Variants in GALNTL6 observed in about 807,000 individuals in gnomAD.
GALNTL6 encodes polypeptide N-acetylgalactosaminyltransferase-like 6.
A neutral mutation model predicts 73.7 loss-of-function variants in GALNTL6; 46 were observed. The observed-to-expected ratio is 0.62, with a 90% CI of 0.49 to 0.80. The LOEUF (loss-of-function observed/expected upper bound fraction) is 0.80, where lower values mean the gene tolerates loss of function less well. Ranked by LOEUF, GALNTL6 falls within the 30% of genes least tolerant of loss-of-function variation. The pLI, the probability that GALNTL6 is intolerant of heterozygous loss-of-function variation, is 0.00. For missense variants in GALNTL6, 604 were observed against 755.0 expected (o/e 0.80, Z 2.34); for synonymous variants, 259 against 263.7 (o/e 0.98, Z 0.17).
chr4:171,956,759 C>A (rs1019478455), intron 2 of GALNTL6, among the ~76,000 whole-genome samples: 2 of 152,098 alleles, frequency 1.3e-5, no homozygotes, highest in Non-Finnish European at 2.9e-5. Flanking sequence ...ACTTTAGACC[C>A]TTTGCTTTTT....
At chr4:172,498,557 T>C (rs1038860533) in intron 5 of GALNTL6, among the ~76,000 whole-genome samples, 2 of 152,182 alleles carry the variant, frequency 1.3e-5, no homozygotes, top group African/African-American at 4.8e-5. Context: ...GGGAAGGCAT[T>C]GGGTGATACA....
chr4:172,410,681 T>A (rs1038363527), intron 5 of GALNTL6, among the ~76,000 whole-genome samples: 1 of 152,102 alleles, frequency 6.6e-6, no homozygotes, highest in African/African-American at 2.4e-5. Context: ...GAAAACTAAC[T>A]TAATAAATAA....
chr4:172,298,027 T>C (rs1053711129), intron 3 of GALNTL6, among the ~76,000 whole-genome samples: 9 of 152,204 alleles, frequency 5.9e-5, no homozygotes, highest in African/African-American at 1.9e-4. Flanking sequence ...TTTTATTTCA[T>C]TGAGCAGTGG....
At position 171,853,500 on chromosome 4, in the gene GALNTL6, T is replaced by G. The variant is rs142810828; in HGVS notation, c.138+38782T>G. ...TTCTGTTCTTTCTTACATTTTTTTT[T>G]GTTTTCTTCTTTTCCTTTTCCTTTA... On this transcript the variant is annotated intron_variant, in intron 2 of 12. Coordinates refer to ENST00000506823, the MANE Select transcript of GALNTL6 (RefSeq NM_001034845.3). Among the ~76,000 whole-genome samples the G allele has an allele frequency of 6.0e-3, 904 of 151,512 alleles. 12 individuals are homozygous for G. Among genetic ancestry groups the G allele is most frequent in the African/African-American group, 0.02 (834 of 41,384 alleles).
intron 10 of GALNTL6, among the ~76,000 whole-genome samples, chr4:173,007,215 G>A (rs116381909): frequency 1.8e-3 from 269 of 152,172 alleles, no homozygotes; most frequent in African/African-American, 6.2e-3. Flanking sequence ...ACCCCAGCAG[G>A]AACAGGCCCA....
At chr4:172,924,814 A>C (rs1272909302) in intron 8 of GALNTL6, among the ~76,000 whole-genome samples, 1 of 152,164 alleles carries the variant, frequency 6.6e-6, no homozygotes, top group Non-Finnish European at 1.5e-5. Context: ...AGAGCAGTAG[A>C]AAACCACTGA....
chr4:172,458,326 C>T (rs548156754), intron 5 of GALNTL6, among the ~76,000 whole-genome samples: 2 of 151,116 alleles, frequency 1.3e-5, no homozygotes, highest in South Asian at 2.1e-4. Context: ...GAAACAAGAG[C>T]AAACAAATTC....
At chr4:172,781,199 A>C (rs4696028) in intron 5 of GALNTL6, among the ~76,000 whole-genome samples, 3 of 151,966 alleles carry the variant, frequency 2.0e-5, no homozygotes, top group Non-Finnish European at 2.9e-5. Context: ...AGAACCTTAA[A>C]TGCTACCCAG....
intron 2 of GALNTL6, among the ~76,000 whole-genome samples, chr4:172,125,138 T>C (rs946986706): frequency 2.0e-5 from 3 of 152,104 alleles, no homozygotes; most frequent in South Asian, 2.1e-4. Flanking sequence ...AAGGCAATGA[T>C]GTATGACCTG....
At chr4:172,302,416 G>T (rs998446885) in intron 3 of GALNTL6, among the ~76,000 whole-genome samples, 8 of 152,144 alleles carry the variant, frequency 5.3e-5, no homozygotes, top group African/African-American at 1.9e-4. Flanking sequence ...GATGCACCCA[G>T]TACCTCAGTT....
intron 2 of GALNTL6, among the ~76,000 whole-genome samples, chr4:172,188,226 G>A (rs1184874557): frequency 6.6e-6 from 1 of 152,144 alleles, no homozygotes; most frequent in Admixed American, 6.5e-5. Context: ...AAAGTCTAAT[G>A]TTCACAAATT....
intron 5 of GALNTL6, 67 bp downstream of exon 5, chr4:172,348,756 A>T: frequency 9.5e-7 from 1 of 1,054,014 alleles, no homozygotes; most frequent in East Asian, 2.6e-5. Context: ...AGGACTTTTT[A>T]AAAAAGACAA....
chr4:172,965,704 G>T (rs1290099264), intron 10 of GALNTL6, among the ~76,000 whole-genome samples: 2 of 151,096 alleles, frequency 1.3e-5, no homozygotes, highest in Non-Finnish European at 2.9e-5. Context: ...TTTAATTCAA[G>T]TCATAACAGA....
intron 2 of GALNTL6, among the ~76,000 whole-genome samples, chr4:171,983,987 C>G (rs962030910): frequency 6.6e-6 from 1 of 152,146 alleles, no homozygotes; most frequent in Non-Finnish European, 1.5e-5. Flanking sequence ...GACATGTGCC[C>G]AGCAGCATCT....
At chr4:172,117,396 G>A (rs1018797937) in intron 2 of GALNTL6, among the ~76,000 whole-genome samples, 8 of 152,022 alleles carry the variant, frequency 5.3e-5, no homozygotes, top group Admixed American at 1.3e-4. Context: ...CTTATTATGT[G>A]ACAGGCACGC....
chr4:172,708,096 G>C (rs530157573), intron 5 of GALNTL6, among the ~76,000 whole-genome samples: 3 of 152,258 alleles, frequency 2.0e-5, no homozygotes, highest in Non-Finnish European at 4.4e-5. Context: ...TGTTGCCCAG[G>C]CTAGAGTGCA....
intron 5 of GALNTL6, among the ~76,000 whole-genome samples, chr4:172,699,799 A>T (rs569356109): frequency 7.2e-4 from 102 of 142,612 alleles, no homozygotes; most frequent in African/African-American, 2.6e-3. Context: ...TGAAATATTG[A>T]TGTATTACAA....
chr4:173,040,117 A>G lies in GALNTL6; in HGVS notation c.*17A>G. The G allele has an allele frequency of 6.3e-7, 1 of 1,586,280 alleles. No homozygotes were observed. The highest frequency in any genetic ancestry group is 8.6e-7 in the Non-Finnish European group (1 of 1,158,368). ...AACTCCTAGAAAGAAGAAAGGAAGAAAGAGTGATTACCTACAGGTTATAAA... is the reference window on the plus strand; with the variant it reads ...AACTCCTAGAAAGAAGAAAGGAAGAGAGAGTGATTACCTACAGGTTATAAA... On this transcript the variant is annotated 3_prime_UTR_variant, in exon 13 of 13. Coordinates refer to ENST00000506823, the MANE Select transcript of GALNTL6 (RefSeq NM_001034845.3).
intron 2 of GALNTL6, among the ~76,000 whole-genome samples, chr4:172,116,112 G>T (rs1189456495): frequency 6.6e-6 from 1 of 151,886 alleles, no homozygotes; most frequent in Non-Finnish European, 1.5e-5. Context: ...TATTATATGT[G>T]ATTTTTCCAT....
Sources: allele counts gnomAD v4.1 joint callset (sites outside exome capture counted in the v4.1 genomes callset), GRCh38; gene constraint gnomAD v4.1.1; transcripts MANE v1.5; gene names NCBI Gene and HGNC (gene_info 2026-07-23, HGNC 2026-07-21).